The following FOXN2 variants were observed in gnomAD, a reference collection of about 807,000 sequenced individuals.
The protein encoded by FOXN2 is forkhead box N2.
A neutral mutation model predicts 41.2 loss-of-function variants in FOXN2; 19 were observed. The observed-to-expected ratio is 0.46, with a 90% CI of 0.32 to 0.68. The LOEUF (loss-of-function observed/expected upper bound fraction) is 0.68, where lower values mean the gene tolerates loss of function less well. Ranked by LOEUF, FOXN2 falls within the 30% of genes least tolerant of loss-of-function variation. The pLI is 0.03. For missense variants in FOXN2, 587 were observed against 509.4 expected, an observed-to-expected ratio of 1.15 and a Z score of -1.47; for synonymous variants, 195 against 176.8, an observed-to-expected ratio of 1.10 and a Z score of -0.82.
At chr2:48,316,940 C>G (rs1668955646) in intron 1 of FOXN2, among the ~76,000 whole-genome samples, 1 of 5,638 alleles carries the variant, frequency 1.8e-4, no homozygotes, top group South Asian at 2.7e-3. Flanking sequence ...GGTGCTCAAT[C>G]AGAAAAGTTA....
intron 3 of FOXN2, among the ~76,000 whole-genome samples, chr2:48,358,101 A>G (rs1392292292): frequency 6.6e-6 from 1 of 151,874 alleles, no homozygotes; most frequent in Non-Finnish European, 1.5e-5. Flanking sequence ...TCTCTCCTAA[A>G]TTAATTTTAT....
chr2:48,340,563 T>C (rs1670684714), intron 2 of FOXN2: 2 of 152,244 alleles, frequency 1.3e-5, no homozygotes, highest in Admixed American at 1.3e-4. Flanking sequence ...CTTCTCAAGA[T>C]ACCGCCATGG....
chr2:48,358,415 CT>C (rs1671947910), intron 3 of FOXN2, among the ~76,000 whole-genome samples: 1 of 152,140 alleles, frequency 6.6e-6, no homozygotes, highest in Non-Finnish European at 1.5e-5. Flanking sequence ...AGAAGTCTGA[CT>C]CTCAAAAATT....
At chr2:48,321,828 G>T (rs1220292983) in intron 1 of FOXN2, among the ~76,000 whole-genome samples, 2 of 152,118 alleles carry the variant, frequency 1.3e-5, no homozygotes, top group East Asian at 1.9e-4. Flanking sequence ...TATGTATATT[G>T]TGGGTCTCTA....
In FOXN2 at chr2:48,338,072, A is replaced by T. The variant is rs189009936; in HGVS notation, c.-14-8129A>T. ...TTAATCATGTACTGGGCCATGAAACAAGTTTCAACAAATTTCAGAGAATTG... is the reference window on the plus strand; with the variant it reads ...TTAATCATGTACTGGGCCATGAAACTAGTTTCAACAAATTTCAGAGAATTG... On this transcript the variant is annotated intron_variant, in intron 2 of 6. Transcript: ENST00000340553. Among the ~76,000 whole-genome samples, 5 of 152,330 alleles carry T rather than the reference A, an allele frequency of 3.3e-5. No individual in the cohort carries two copies. In the East Asian group the frequency reaches 9.6e-4, roughly 29 times the overall value.
chr2:48,320,692 G>C (rs1354933324), intron 1 of FOXN2, among the ~76,000 whole-genome samples: 1 of 151,946 alleles, frequency 6.6e-6, no homozygotes, highest in Admixed American at 6.6e-5. Context: ...AAATCTCTCA[G>C]ACTTGAAAAA....
chr2:48,349,803 C>T (rs1013785211), intron 3 of FOXN2, among the ~76,000 whole-genome samples: 46 of 152,012 alleles, frequency 3.0e-4, no homozygotes, highest in African/African-American at 9.6e-4. Flanking sequence ...CATCCTGTGA[C>T]GTGAGATGTA....
chr2:48,338,898 G>T (rs1242853894), intron 2 of FOXN2, among the ~76,000 whole-genome samples: 1 of 151,986 alleles, frequency 6.6e-6, no homozygotes, highest in Non-Finnish European at 1.5e-5. Flanking sequence ...CTTACTAAAA[G>T]CAACCAATAA....
chr2:48,374,874 C>T, intron 6 of FOXN2, 46 bp from the exon 7 acceptor site: 1 of 1,518,852 alleles, frequency 6.6e-7, no homozygotes, highest in Non-Finnish European at 8.9e-7. Flanking sequence ...TCTGTTTTTG[C>T]AACCAAACAC....
intron 1 of FOXN2, among the ~76,000 whole-genome samples, chr2:48,328,286 G>A (rs1332069062): frequency 6.6e-6 from 1 of 152,146 alleles, no homozygotes; most frequent in African/African-American, 2.4e-5. Context: ...TATCATGGGG[G>A]ATTGATTCTG....
intron 2 of FOXN2, among the ~76,000 whole-genome samples, chr2:48,338,036 CATT>C (rs1185261578): frequency 1.3e-5 from 2 of 152,196 alleles, no homozygotes; most frequent in African/African-American, 4.8e-5. Context: ...TCAAATGAAT[CATT>C]ATGAAAATTA....
upstream of FOXN2, among the ~76,000 whole-genome samples, chr2:48,313,862 T>TTA (rs1668702409): frequency 6.6e-6 from 1 of 151,576 alleles, no homozygotes; most frequent in African/African-American, 2.4e-5. Flanking sequence ...CTTATATTTT[T>TTA]AAAAAAAATC....
chr2:48,352,281 A>G (rs572494042), intron 3 of FOXN2, among the ~76,000 whole-genome samples: 3 of 152,218 alleles, frequency 2.0e-5, no homozygotes, highest in African/African-American at 4.8e-5. Context: ...CTTTGTAATC[A>G]TTGCCCTCCT....
At position 48,375,892 on chromosome 2, in the gene FOXN2, C is replaced by A. The variant is rs890707941; in HGVS notation, c.*449C>A. 1 of 153,288 alleles carries A rather than the reference C, an allele frequency of 6.5e-6. No individual in the cohort carries two copies. The highest frequency in any genetic ancestry group is 1.5e-5 in the Non-Finnish European group (1 of 68,594). 9.5% of individuals were successfully genotyped at this position (153,288 alleles called of 1,614,324 possible). On this transcript the variant is annotated 3_prime_UTR_variant, in exon 7 of 7. Transcript: ENST00000340553. ...TATACTTCTCTCCTGACACGCAATCCGGTAACATAAGATTGAAATTTTTTT... is the reference window on the plus strand; with the variant it reads ...TATACTTCTCTCCTGACACGCAATCAGGTAACATAAGATTGAAATTTTTTT...
Position 48,346,239 on chromosome 2 carries a change from C to G in FOXN2, c.25C>G (p.Pro9Ala), listed in dbSNP as rs374006168. Residue 9 changes from proline to alanine, a missense_variant, in exon 3 of 7, where the codon CCA becomes GCA. Pro to Ala is a conservative substitution (Grantham distance 27). Transcript: ENST00000340553. ...AATGGGTCCAGTAATTGGAATGACT[C>G]CAGATAAGAGAGCTGAAACCCCAGG... MGPVIGMT[P>A]DKRAETPGAE... 6.2e-7 allele frequency: 1 copy of G among 1,611,856 alleles called. No homozygotes were observed. The highest frequency in any genetic ancestry group is 8.5e-7 in the Non-Finnish European group (1 of 1,179,310).
intron 3 of FOXN2, among the ~76,000 whole-genome samples, chr2:48,352,084 A>T (rs1053379920): frequency 2.4e-4 from 29 of 122,210 alleles, no homozygotes; most frequent in African/African-American, 8.1e-4. Flanking sequence ...CAGTTTTGAG[A>T]GCAAACCAGT....
rs1175620493 is a variant in FOXN2, at chr2:48,378,828, A to C, written c.*3385A>C. ...GTTATACCTGCCATTTTTTTTCTTA[A>C]AGCATATTCTTTGCATCTAACTGCC... is the stretch of plus-strand genomic sequence containing the variant. On this transcript the variant is annotated 3_prime_UTR_variant, in exon 7 of 7. Coordinates refer to ENST00000340553, the MANE Select transcript of FOXN2 (RefSeq NM_002158.4). 1 of 152,300 alleles carries C rather than the reference A, an allele frequency of 6.6e-6. No homozygotes were observed. The highest frequency in any genetic ancestry group is 1.5e-5 in the Non-Finnish European group (1 of 67,928). 9.4% of individuals were successfully genotyped at this position (152,300 alleles called of 1,614,324 possible).
intron 3 of FOXN2, among the ~76,000 whole-genome samples, chr2:48,354,329 C>T (rs184128733): frequency 1.8e-4 from 28 of 152,164 alleles, no homozygotes; most frequent in African/African-American, 4.8e-4. Context: ...TGGCTGGGCG[C>T]GGTGGCTCAC....
At chr2:48,349,500 G>C (rs1460472988) in intron 3 of FOXN2, among the ~76,000 whole-genome samples, 1 of 151,860 alleles carries the variant, frequency 6.6e-6, no homozygotes, top group African/African-American at 2.4e-5. Context: ...TAAGCTGGAC[G>C]TGGTGGCTCA....
Sources: allele counts gnomAD v4.1 joint callset (sites outside exome capture counted in the v4.1 genomes callset), GRCh38; gene constraint gnomAD v4.1.1; transcripts MANE v1.5; gene names NCBI Gene and HGNC (gene_info 2026-07-23, HGNC 2026-07-21).